Variants in VCPIP1 observed in about 807,000 individuals in gnomAD.
VCPIP1 encodes the protein valosin containing protein interacting protein 1.
A neutral mutation model predicts 85.0 loss-of-function variants in VCPIP1; 8 were observed. The ratio of observed to expected loss-of-function variants is 0.09; its 90% CI spans 0.06 to 0.17. The LOEUF is 0.17. VCPIP1 is among the 10% of genes least tolerant of loss of function. VCPIP1 has a pLI of 1.00. For missense variants in VCPIP1, 1,070 were observed against 1,486.3 expected (o/e 0.72, Z 4.61); for synonymous variants, 543 against 544.5 (o/e 1.00, Z 0.04).
intron 1 of VCPIP1, among the ~76,000 whole-genome samples, chr8:66,657,447 C>G (rs909442503): frequency 2.0e-5 from 3 of 152,088 alleles, no homozygotes; most frequent in African/African-American, 7.2e-5. Context: ...ATCTCTCTAC[C>G]CTTCCTGACG....
At chr8:66,638,256 A>G (rs1237654344) in intron 2 of VCPIP1, among the ~76,000 whole-genome samples, 1 of 151,048 alleles carries the variant, frequency 6.6e-6, no homozygotes, top group Non-Finnish European at 1.5e-5. Context: ...TAGGGGAGGC[A>G]GAGGCAAATT....
At chr8:66,651,651 A>C in intron 1 of VCPIP1, 107 bp from the exon 2 acceptor site, 1 of 816,798 alleles carries the variant, frequency 1.2e-6, no homozygotes, top group Non-Finnish European at 1.9e-6. Context: ...GAGCTCCTAA[A>C]TGAGTGAAAC....
intron 1 of VCPIP1, among the ~76,000 whole-genome samples, chr8:66,658,746 CA>C (rs1323434705): frequency 2.0e-5 from 3 of 152,102 alleles, no homozygotes; most frequent in African/African-American, 7.2e-5. Flanking sequence ...CTCAGCCTCC[CA>C]AAATGCTGGA....
At chr8:66,659,558 C>A (rs957991821) in intron 1 of VCPIP1, among the ~76,000 whole-genome samples, 1 of 152,106 alleles carries the variant, frequency 6.6e-6, no homozygotes, top group East Asian at 1.9e-4. Context: ...AAGTAATAGA[C>A]GATCTAATCA....
chr8:66,658,073 C>T (rs190898742), intron 1 of VCPIP1, among the ~76,000 whole-genome samples: 2 of 152,112 alleles, frequency 1.3e-5, no homozygotes, highest in Non-Finnish European at 1.5e-5. Flanking sequence ...CGGTGGCTCA[C>T]GCCTGTAATC....
intron 1 of VCPIP1, among the ~76,000 whole-genome samples, chr8:66,651,923 T>C (rs1811057461): frequency 6.6e-6 from 1 of 150,652 alleles, no homozygotes; most frequent in African/African-American, 2.5e-5. Flanking sequence ...CTCATGCCTG[T>C]AACCCCAGTA....
Position 66,664,755 on chromosome 8 carries a change from A to C in VCPIP1, c.2204T>G (p.Leu735Ter). 6.2e-7 allele frequency: 1 copy of C among 1,613,030 alleles called. No homozygotes were observed. The highest frequency in any genetic ancestry group is 8.5e-7 in the Non-Finnish European group (1 of 1,179,720). The change falls in exon 1 of 3, where the codon TTA (leucine) becomes TGA (stop). Residue 735 changes from leucine to a stop codon, truncating the protein, a stop_gained. Transcript: ENST00000310421. LOFTEE classifies it high-confidence loss of function. ...SVMQKRKTEKLKQEQKGQPRT... is the reference protein window; with the variant it reads ...SVMQKRKTEK The stretch of plus-strand genomic sequence containing the variant: ...GGGTTGCCCTTTTTGTTCTTGTTTT[A>C]ACTTCTCTGTTTTCCGTTTCTGCAT...
At position 66,651,487 on chromosome 8, in the gene VCPIP1, A is replaced by G; in HGVS notation, c.2768T>C (p.Val923Ala). ...GLPHMFQQGG[V>A]FYSIMKKTMG... ...GGTTTTCTTCATAATACTGTAGAAT[A>G]CACCACCCTGCTGAAACATGTGAGG... The change falls in exon 2 of 3, where the codon GTA becomes GCA. Residue 923 changes from valine (V) to alanine (A), a missense_variant. Around this residue, in one of 8 missense-constraint regions of VCPIP1, gnomAD observed 46 missense variants for 95.2 expected, o/e 0.48. Transcript: ENST00000310421. The G allele has an allele frequency of 6.2e-7, 1 of 1,613,456 alleles. No individual in the cohort carries two copies. The highest frequency in any genetic ancestry group is 8.5e-7 in the Non-Finnish European group (1 of 1,179,838).
intron 1 of VCPIP1, among the ~76,000 whole-genome samples, chr8:66,662,286 G>A (rs545641759): frequency 6.6e-6 from 1 of 152,260 alleles, no homozygotes; most frequent in Admixed American, 6.5e-5. Context: ...GCCACAGTCA[G>A]GATTGTTCAA....
At chr8:66,663,962 A>G (rs929421856) in intron 1 of VCPIP1, among the ~76,000 whole-genome samples, 10 of 152,228 alleles carry the variant, frequency 6.6e-5, no homozygotes, top group African/African-American at 2.4e-4. Flanking sequence ...AACGCTTTAA[A>G]TAAATACAAG....
chr8:66,666,424 C>A lies in VCPIP1; in HGVS notation c.535G>T (p.Gly179Cys). ...LIEPEHVNTV[G>C]YGKDRSGSLL... ...CTTCCGGAGCGGTCCTTGCCATAGC[C>A]CACAGTGTTAACATGCTCTGGTTCT... Residue 179 changes from glycine (G) to cysteine (C), a missense_variant, in exon 1 of 3, where the codon GGC (glycine) becomes TGC (cysteine). Physicochemically the swap from Gly to Cys is radical, Grantham distance 159 (BLOSUM62 -3). This residue lies in a region of VCPIP1 where 118 missense variants were observed against 337.1 expected (regional missense o/e 0.35). Coordinates refer to ENST00000310421, the MANE Select transcript of VCPIP1 (RefSeq NM_025054.5). This position sits in a 1 kb window ranked among gnomAD's most constrained non-coding sequence, Gnocchi z 6.3. The A allele has an allele frequency of 1.2e-6, 2 of 1,614,110 alleles. No individual in the cohort carries two copies. The highest frequency in any genetic ancestry group is 1.7e-6 in the Non-Finnish European group (2 of 1,180,024).
chr8:66,639,547 G>A (rs570438040), intron 2 of VCPIP1, among the ~76,000 whole-genome samples: 2 of 151,508 alleles, frequency 1.3e-5, no homozygotes, highest in Non-Finnish European at 2.9e-5. Flanking sequence ...TAGAGACAGG[G>A]TTTCACCATG....
intron 1 of VCPIP1, among the ~76,000 whole-genome samples, chr8:66,652,550 T>C (rs546491776): frequency 3.3e-5 from 5 of 152,078 alleles, no homozygotes; most frequent in South Asian, 4.2e-4. Flanking sequence ...AAAGTGGAGG[T>C]TGCAGTGAGC....
At chr8:66,641,381 T>G (rs536829569) in intron 2 of VCPIP1, among the ~76,000 whole-genome samples, 3 of 152,214 alleles carry the variant, frequency 2.0e-5, no homozygotes, top group Non-Finnish European at 4.4e-5. Flanking sequence ...ATATAGTTTT[T>G]TTTTTTAGAG....
In VCPIP1 at chr8:66,665,286, A is replaced by G; in HGVS notation, c.1673T>C (p.Leu558Ser). 6.2e-7 allele frequency: 1 copy of G among 1,614,206 alleles called. No homozygotes were observed. Among genetic ancestry groups the G allele is most frequent in the Non-Finnish European group, 8.5e-7 (1 of 1,180,038 alleles). The change falls in exon 1 of 3, where the codon TTG becomes TCG. Residue 558 changes from leucine (L) to serine (S), a missense_variant. Leu to Ser is a moderately radical substitution (Grantham distance 145). This residue lies in a region of VCPIP1 where 123 missense variants were observed against 156.3 expected (regional missense o/e 0.79). Coordinates refer to ENST00000310421, the MANE Select transcript of VCPIP1 (RefSeq NM_025054.5). This position sits in a 1 kb window ranked among gnomAD's most constrained non-coding sequence, Gnocchi z 4.3. The stretch of plus-strand genomic sequence containing the variant: ...CCTAGAATTAGTTCTGTCTCCATCC[A>G]AATACACAATAGACCCATCTCCTCT... ...KVRGDGSIVY[L>S]DGDRTNSRST... is the part of the protein sequence containing the mutation.
intron 2 of VCPIP1, among the ~76,000 whole-genome samples, chr8:66,642,470 A>G (rs188585317): frequency 6.6e-6 from 1 of 152,166 alleles, no homozygotes; most frequent in East Asian, 1.9e-4. Flanking sequence ...TTATTTTTGT[A>G]TCTAAGATTA....
At chr8:66,640,150 T>C (rs1404025003) in intron 2 of VCPIP1, among the ~76,000 whole-genome samples, 1 of 152,144 alleles carries the variant, frequency 6.6e-6, no homozygotes, top group Non-Finnish European at 1.5e-5. Context: ...TTACCACAAA[T>C]ATCAGAAAAA....
rs1009024803 is a variant in VCPIP1, at chr8:66,630,384, C to T, written c.*4117G>A. On this transcript the variant is annotated 3_prime_UTR_variant, in exon 3 of 3. Transcript: ENST00000310421. ...ATTTCCCTCCAAAAAGTAGACTTTCCAGTTCTTGGCACTAATTCTTAGTCA... is the reference window on the plus strand; with the variant it reads ...ATTTCCCTCCAAAAAGTAGACTTTCTAGTTCTTGGCACTAATTCTTAGTCA... 6.6e-6 allele frequency: 1 copy of T among 152,522 alleles called. No homozygotes were observed. Among genetic ancestry groups the T allele is most frequent in the African/African-American group, 2.4e-5 (1 of 41,414 alleles). 9.4% of individuals were successfully genotyped at this position (152,522 alleles called of 1,614,324 possible). A position where few individuals can be genotyped will look rare whatever the true frequency, so the allele number is the denominator to read the frequency against.
Position 66,666,268 on chromosome 8 carries a change from G to T in VCPIP1, c.691C>A (p.Arg231=). 2 of 1,613,954 alleles carry T rather than the reference G, an allele frequency of 1.2e-6. No individual in the cohort carries two copies. Among genetic ancestry groups the T allele is most frequent in the African/African-American group, 1.3e-5 (1 of 74,974 alleles). The part of the protein sequence containing the change: ...VHAVSRALVG[R]ELFWHALREN... ...CTTAAGGCATGCCAGAAGAGCTCTCGGCCTACTAGAGCCCGAGACACAGCA... is the reference window on the plus strand; with the variant it reads ...CTTAAGGCATGCCAGAAGAGCTCTCTGCCTACTAGAGCCCGAGACACAGCA... The change falls in exon 1 of 3, where the codon CGA becomes AGA. Residue 231 remains arginine (R), a synonymous_variant. Coordinates refer to ENST00000310421, the MANE Select transcript of VCPIP1 (RefSeq NM_025054.5). This position sits in a 1 kb window ranked among gnomAD's most constrained non-coding sequence, Gnocchi z 6.3.
Sources: gnomAD v4.1 joint callset for allele counts (sites outside exome capture counted in the v4.1 genomes callset) on GRCh38, gnomAD v4.1.1 for gene constraint, gnomAD v4.1.1 regional missense constraint, Gnocchi (gnomAD v3.1) non-coding constraint, MANE v1.5 for transcripts, NCBI Gene and HGNC (gene_info 2026-07-23, HGNC 2026-07-21) for gene names.